The following KCNN2 variants were observed in gnomAD, a reference collection of about 807,000 sequenced individuals.
KCNN2 encodes the protein potassium calcium-activated channel subfamily N member 2.
Under a neutral mutation model 55.5 loss-of-function variants are expected in KCNN2, and 24 were observed. That is an observed-to-expected ratio of 0.43 (90% confidence interval 0.31 to 0.61). KCNN2 has a LOEUF of 0.61. Ranked by LOEUF, KCNN2 falls within the 20% of genes least tolerant of loss-of-function variation. The probability of loss-of-function intolerance (pLI) is 0.08; values close to 1 mark genes in which losing one functional copy is unlikely to be tolerated. For missense variants in KCNN2, 754 were observed against 853.6 expected (o/e 0.88, Z 1.45); for synonymous variants, 431 against 336.1 (o/e 1.28, Z -3.09).
intron 3 of KCNN2, among the ~76,000 whole-genome samples, chr5:114,453,302 A>G (rs1760775211): frequency 6.6e-6 from 1 of 152,182 alleles, no homozygotes; most frequent in Non-Finnish European, 1.5e-5. Context: ...CCCCTGTACA[A>G]AACAAGAGAT....
At chr5:114,425,399 C>T (rs1485840020) in intron 3 of KCNN2, among the ~76,000 whole-genome samples, 1 of 152,192 alleles carries the variant, frequency 6.6e-6, no homozygotes, top group Non-Finnish European at 1.5e-5. Context: ...CCTCCTACTA[C>T]TTTACAAAAT....
At chr5:114,289,732 A>G (rs370739657) in intron 2 of KCNN2, among the ~76,000 whole-genome samples, 6 of 152,262 alleles carry the variant, frequency 3.9e-5, no homozygotes, top group South Asian at 2.1e-4. Flanking sequence ...ATAGAATTGC[A>G]TTGAATCTTT....
intron 2 of KCNN2, among the ~76,000 whole-genome samples, chr5:114,252,970 C>G (rs899141014): frequency 6.6e-6 from 1 of 152,156 alleles, no homozygotes; most frequent in African/African-American, 2.4e-5. Context: ...TATAAGCATG[C>G]TCTTTCCCCT....
chr5:114,270,858 A>C (rs1475741727), intron 2 of KCNN2, among the ~76,000 whole-genome samples: 1 of 152,134 alleles, frequency 6.6e-6, no homozygotes, highest in Non-Finnish European at 1.5e-5. Context: ...TCAGATGTTC[A>C]GATGTGTCCA....
intron 3 of KCNN2, among the ~76,000 whole-genome samples, chr5:114,459,207 C>G (rs1157261337): frequency 6.6e-6 from 1 of 152,200 alleles, no homozygotes; most frequent in East Asian, 1.9e-4. Flanking sequence ...GCATGCAGTT[C>G]ATGCCAAAAC....
intron 3 of KCNN2, among the ~76,000 whole-genome samples, chr5:114,451,824 G>C (rs771132872): frequency 6.6e-6 from 1 of 151,688 alleles, no homozygotes; most frequent in Non-Finnish European, 1.5e-5. Context: ...GTGAACCCGG[G>C]TGGCGGAGCT....
chr5:114,431,131 G>C (rs1163862332), intron 3 of KCNN2, among the ~76,000 whole-genome samples: 1 of 151,994 alleles, frequency 6.6e-6, no homozygotes, highest in Non-Finnish European at 1.5e-5. Flanking sequence ...CCCCATCCCG[G>C]CTTCTGTCTC....
At chr5:114,137,303 G>A (rs1752193446) in intron 1 of KCNN2, among the ~76,000 whole-genome samples, 1 of 151,930 alleles carries the variant, frequency 6.6e-6, no homozygotes, top group South Asian at 2.1e-4. Flanking sequence ...TTAAATATAT[G>A]CAAAAAATAT....
At chr5:114,105,312 C>T (rs905106369) in intron 1 of KCNN2, among the ~76,000 whole-genome samples, 1 of 151,968 alleles carries the variant, frequency 6.6e-6, no homozygotes, top group Non-Finnish European at 1.5e-5. Context: ...ATATTTGATC[C>T]TGATTTGAGG....
intron 3 of KCNN2, among the ~76,000 whole-genome samples, chr5:114,412,886 T>C (rs1281586336): frequency 6.6e-6 from 1 of 152,248 alleles, no homozygotes; most frequent in African/African-American, 2.4e-5. Flanking sequence ...GGATAGTTAT[T>C]GGATAATGAG....
chr5:114,140,727 T>C (rs899231572), intron 1 of KCNN2, among the ~76,000 whole-genome samples: 2 of 119,238 alleles, frequency 1.7e-5, no homozygotes, highest in Admixed American at 1.8e-4. Flanking sequence ...TTGATTCATA[T>C]AGATTAGTCT....
Position 114,362,689 on chromosome 5 carries a change from C to T in KCNN2, c.550C>T (p.His184Tyr). Reference protein sequence around the residue: ...GSLGSGPPLSHHHHHPHPAHH... With the variant: ...GSLGSGPPLSYHHHHPHPAHH... ...TCTGGGCTCCGGGCCCCCGCTCTCG[C>T]ACCACCACCACCACCCGCACCCGGC... Residue 184 changes from histidine (H) to tyrosine (Y), a missense_variant, in exon 1 of 8, where the codon CAC becomes TAC. His to Tyr is a moderately conservative substitution (Grantham distance 83, BLOSUM62 2). Transcript: ENST00000673685. 1 of 1,420,578 alleles carries T rather than the reference C, an allele frequency of 7.0e-7. No homozygotes were observed. Among genetic ancestry groups the T allele is most frequent in the Non-Finnish European group, 9.2e-7 (1 of 1,081,570 alleles). The allele number at this position is 1,420,578 out of a possible 1,614,324, so 88.0% of individuals were successfully genotyped here. A position where few individuals can be genotyped will look rare whatever the true frequency, so the allele number is the denominator to read the frequency against.
intron 1 of KCNN2, among the ~76,000 whole-genome samples, chr5:114,220,867 C>T (rs1271614362): frequency 6.6e-6 from 1 of 150,534 alleles, no homozygotes; most frequent in African/African-American, 2.4e-5. Flanking sequence ...GTTAAAGACT[C>T]AGATCAGAAG....
intron 2 of KCNN2, among the ~76,000 whole-genome samples, chr5:114,247,623 T>C (rs1754773163): frequency 6.6e-6 from 1 of 152,222 alleles, no homozygotes; most frequent in Non-Finnish European, 1.5e-5. Flanking sequence ...ACTTGCCTAA[T>C]GTTTTTAGTA....
intron 1 of KCNN2, among the ~76,000 whole-genome samples, chr5:114,095,578 G>A (rs1158332311): frequency 6.6e-6 from 1 of 152,120 alleles, no homozygotes; most frequent in African/African-American, 2.4e-5. Flanking sequence ...AGAGCAAATG[G>A]CAGAACCAAG....
chr5:114,483,849 T>C (rs1186751671), intron 5 of KCNN2, among the ~76,000 whole-genome samples: 1 of 152,096 alleles, frequency 6.6e-6, no homozygotes, highest in Non-Finnish European at 1.5e-5. Flanking sequence ...TTATTGGCCA[T>C]AGAATTATTA....
chr5:114,455,051 T>C (rs1262011750), intron 3 of KCNN2, among the ~76,000 whole-genome samples: 1 of 152,128 alleles, frequency 6.6e-6, no homozygotes, highest in East Asian at 1.9e-4. Context: ...TTCTATCCTT[T>C]ATTGAGTTAT....
At chr5:114,226,427 G>C (rs1299915540) in intron 2 of KCNN2, among the ~76,000 whole-genome samples, 2 of 151,960 alleles carry the variant, frequency 1.3e-5, no homozygotes, top group Non-Finnish European at 2.9e-5. Flanking sequence ...ATATGATTTT[G>C]CAACTTGCCA....
At chr5:114,237,427 G>A (rs563178880) in intron 2 of KCNN2, among the ~76,000 whole-genome samples, 2 of 152,192 alleles carry the variant, frequency 1.3e-5, no homozygotes, top group Admixed American at 6.5e-5. Context: ...ACCTAGATTA[G>A]TATCTTTCAA....
Sources: allele counts gnomAD v4.1 joint callset (sites outside exome capture counted in the v4.1 genomes callset), GRCh38; gene constraint gnomAD v4.1.1; transcripts MANE v1.5; gene names NCBI Gene and HGNC (gene_info 2026-07-23, HGNC 2026-07-21).